The following CLEC16A variants were observed in gnomAD, a reference collection of about 807,000 sequenced individuals.
CLEC16A encodes the protein C-type lectin domain containing 16A.
In CLEC16A, 51 loss-of-function variants were observed where a neutral mutation model predicts 109.5. The ratio of observed to expected loss-of-function variants is 0.47; its 90% CI spans 0.37 to 0.59. The LOEUF (loss-of-function observed/expected upper bound fraction) is 0.59, where lower values mean the gene tolerates loss of function less well. Among genes scored for constraint, CLEC16A ranks in the 20% least tolerant of loss-of-function variants. The pLI is 0.00. For synonymous variants in CLEC16A, 673 were observed against 564.2 expected (o/e 1.19, Z -2.73); for missense variants, 1,339 against 1,394.0 (o/e 0.96, Z 0.63).
intron 1 of CLEC16A, among the ~76,000 whole-genome samples, chr16:10,948,181 C>CCG (rs2041528166): frequency 7.2e-5 from 11 of 152,220 alleles, no homozygotes; most frequent in South Asian, 2.1e-4. Context: ...GCATGAGCCA[C>CCG]TGCACCCGGC....
intron 8 of CLEC16A, among the ~76,000 whole-genome samples, chr16:10,978,947 C>T (rs2043166969): frequency 6.6e-6 from 1 of 152,128 alleles, no homozygotes; most frequent in Non-Finnish European, 1.5e-5. Context: ...TGCCCTAAAC[C>T]TCCTCCCCCA....
intron 22 of CLEC16A, among the ~76,000 whole-genome samples, chr16:11,161,625 C>T (rs2054724382): frequency 6.6e-6 from 1 of 152,190 alleles, no homozygotes; most frequent in Non-Finnish European, 1.5e-5. Context: ...ATGGATTTGA[C>T]CAACAATCTA....
At chr16:11,130,031 G>A (rs951059134) in intron 22 of CLEC16A, among the ~76,000 whole-genome samples, 3 of 152,128 alleles carry the variant, frequency 2.0e-5, no homozygotes, top group African/African-American at 4.8e-5. Flanking sequence ...CAAAGTGCTG[G>A]GATTACAGGC....
intron 19 of CLEC16A, among the ~76,000 whole-genome samples, chr16:11,103,015 C>T (rs1401574703): frequency 6.6e-6 from 1 of 152,250 alleles, no homozygotes; most frequent in African/African-American, 2.4e-5. Flanking sequence ...CAAGGCTGAA[C>T]TGTCCCTGGA....
At chr16:11,069,283 A>G (rs2048930326) in intron 19 of CLEC16A, among the ~76,000 whole-genome samples, 1 of 151,842 alleles carries the variant, frequency 6.6e-6, no homozygotes, top group Non-Finnish European at 1.5e-5. Flanking sequence ...ATGCACCACC[A>G]CACCCGGCTG....
intron 10 of CLEC16A, among the ~76,000 whole-genome samples, chr16:10,986,088 C>T (rs1341259356): frequency 1.0e-4 from 13 of 129,472 alleles, no homozygotes; most frequent in African/African-American, 2.1e-4. Flanking sequence ...TGGAGTACAG[C>T]GGCACGATCT....
At chr16:11,076,449 A>G (rs1051481073) in intron 19 of CLEC16A, among the ~76,000 whole-genome samples, 2 of 152,104 alleles carry the variant, frequency 1.3e-5, no homozygotes, top group African/African-American at 4.8e-5. Context: ...GTTGAGTTTC[A>G]AGACATCCCT....
intron 11 of CLEC16A, among the ~76,000 whole-genome samples, chr16:11,006,948 A>C (rs1195158892): frequency 6.6e-6 from 1 of 152,180 alleles, no homozygotes; most frequent in Non-Finnish European, 1.5e-5. Flanking sequence ...AAAAAGAAGG[A>C]TATCATCGTC....
intron 18 of CLEC16A, among the ~76,000 whole-genome samples, chr16:11,053,318 T>C (rs1050112201): frequency 6.6e-6 from 1 of 152,220 alleles, no homozygotes; most frequent in African/African-American, 2.4e-5. Flanking sequence ...CATTAAATTC[T>C]ATAACCATCC....
chr16:11,023,993 G>A (rs999341064), intron 12 of CLEC16A, among the ~76,000 whole-genome samples: 1 of 152,204 alleles, frequency 6.6e-6, no homozygotes, highest in Non-Finnish European at 1.5e-5. Flanking sequence ...TGCCATTTCC[G>A]ATTTTTGCAG....
chr16:11,165,428 G>C (rs2068216540), intron 22 of CLEC16A, among the ~76,000 whole-genome samples: 1 of 152,136 alleles, frequency 6.6e-6, no homozygotes. Context: ...GGAGCTCAAG[G>C]CTGCAGTGAG....
chr16:10,975,214 A>G (rs1338783274), intron 7 of CLEC16A, among the ~76,000 whole-genome samples: 1 of 152,166 alleles, frequency 6.6e-6, no homozygotes, highest in Non-Finnish European at 1.5e-5. Flanking sequence ...CTGTAATCCC[A>G]GCTACCAGGG....
chr16:11,108,722 A>G (rs1030716729), intron 19 of CLEC16A, among the ~76,000 whole-genome samples: 1 of 152,172 alleles, frequency 6.6e-6, no homozygotes, highest in Non-Finnish European at 1.5e-5. Context: ...TGGCCACCTC[A>G]TAGGATCTGG....
chr16:11,139,646 G>T (rs1253063072), intron 22 of CLEC16A, among the ~76,000 whole-genome samples: 1 of 152,188 alleles, frequency 6.6e-6, no homozygotes, highest in Non-Finnish European at 1.5e-5. Context: ...ACTCCCTGCT[G>T]TGAGCTCAGT....
At chr16:11,117,771 G>GA (rs1207263625) in intron 19 of CLEC16A, among the ~76,000 whole-genome samples, 2 of 152,102 alleles carry the variant, frequency 1.3e-5, no homozygotes, top group African/African-American at 4.8e-5. Flanking sequence ...CATCTGGTGG[G>GA]AAAAAATTGC....
chr16:11,173,932 C>T (rs557231969), intron 23 of CLEC16A, among the ~76,000 whole-genome samples: 56 of 152,110 alleles, frequency 3.7e-4, no homozygotes, highest in African/African-American at 1.3e-3. Flanking sequence ...TCAGCGATCC[C>T]GACCCTGCCT....
chr16:11,017,011 G>T (rs1171419393), intron 11 of CLEC16A, among the ~76,000 whole-genome samples: 15 of 89,850 alleles, frequency 1.7e-4, no homozygotes, highest in African/African-American at 3.5e-4. Flanking sequence ...GGGGGGGGGG[G>T]TGCTCCTCCA....
At chr16:11,160,877 T>C (rs1018994521) in intron 22 of CLEC16A, among the ~76,000 whole-genome samples, 12 of 152,192 alleles carry the variant, frequency 7.9e-5, no homozygotes, top group African/African-American at 2.7e-4. Context: ...TTGCATCCAT[T>C]TTCCAGGAAG....
At position 10,944,603 on chromosome 16, in the gene CLEC16A, T is replaced by A; in HGVS notation, c.-115T>A. ...GGCCGGGGAGGAAGGCGGCTCGCGGTTCCTCCACCGCCTCCGCCGCCGCAT... is the reference window on the plus strand; with the variant it reads ...GGCCGGGGAGGAAGGCGGCTCGCGGATCCTCCACCGCCTCCGCCGCCGCAT... On this transcript the variant is annotated 5_prime_UTR_variant, in exon 1 of 24. Coordinates refer to ENST00000409790, the MANE Select transcript of CLEC16A (RefSeq NM_015226.3). The A allele has an allele frequency of 9.8e-7, 1 of 1,017,150 alleles. No individual in the cohort carries two copies. Among genetic ancestry groups the A allele is most frequent in the Non-Finnish European group, 1.4e-6 (1 of 694,256 alleles). The allele number at this position is 1,017,150 out of a possible 1,614,324, so 63.0% of individuals were successfully genotyped here.
Sources: gnomAD v4.1 joint callset for allele counts (sites outside exome capture counted in the v4.1 genomes callset) on GRCh38, gnomAD v4.1.1 for gene constraint, MANE v1.5 for transcripts, NCBI Gene and HGNC (gene_info 2026-07-23, HGNC 2026-07-21) for gene names.